Variants in ZC3H15 observed in about 807,000 individuals in gnomAD.
ZC3H15 encodes zinc finger CCCH domain-containing protein 15.
In ZC3H15, 15 loss-of-function variants were observed where a neutral mutation model predicts 51.2. That is an observed-to-expected ratio of 0.29 (90% CI 0.20 to 0.45). ZC3H15 has a LOEUF of 0.45. ZC3H15 is among the 20% of genes least tolerant of loss of function. The pLI, the probability that ZC3H15 is intolerant of heterozygous loss-of-function variation, is 1.00. For synonymous variants in ZC3H15, 144 were observed against 162.8 expected, an observed-to-expected ratio of 0.88 and a Z score of 0.88; for missense variants, 381 against 494.7, an observed-to-expected ratio of 0.77 and a Z score of 2.18.
chr2:186,508,805 A>C lies in ZC3H15; in HGVS notation c.*72A>C. On this transcript the variant is annotated 3_prime_UTR_variant, in exon 10 of 10. Transcript: ENST00000337859. ...AAATTGACTACATTAATTTCTTTCCACCTAGAATCAACAGGATGTTTATTT... is the reference window on the plus strand; with the variant it reads ...AAATTGACTACATTAATTTCTTTCCCCCTAGAATCAACAGGATGTTTATTT... 1 of 1,489,592 alleles carries C rather than the reference A, an allele frequency of 6.7e-7. No homozygotes were observed. The highest frequency in any genetic ancestry group is 9.2e-7 in the Non-Finnish European group (1 of 1,087,538). The allele number at this position is 1,489,592 out of a possible 1,614,324, so 92.3% of individuals were successfully genotyped here.
At chr2:186,494,834 G>T (rs1414752412) in intron 1 of ZC3H15, among the ~76,000 whole-genome samples, 1 of 152,110 alleles carries the variant, frequency 6.6e-6, no homozygotes, top group African/African-American at 2.4e-5. Flanking sequence ...GTGGCGGAGG[G>T]GAGGGATAGC....
At chr2:186,495,360 T>C in intron 2 of ZC3H15, 26 bp downstream of exon 2, 1 of 1,303,904 alleles carries the variant, frequency 7.7e-7, no homozygotes, top group South Asian at 1.8e-5. Flanking sequence ...GTCCATATCT[T>C]TTTATAAATG....
rs1336949594 is a variant in ZC3H15, at chr2:186,509,313, T to C, written c.*580T>C. Reference sequence around the variant, plus strand: ...ATTGTTTAAAAGTTTCCCTTTTCTTTTTTGCCAATAAAGTTGTAAATAAAG... The same window carrying C: ...ATTGTTTAAAAGTTTCCCTTTTCTTCTTTGCCAATAAAGTTGTAAATAAAG... On this transcript the variant is annotated 3_prime_UTR_variant, in exon 10 of 10. Coordinates refer to ENST00000337859, the MANE Select transcript of ZC3H15 (RefSeq NM_018471.3). The C allele has an allele frequency of 1.3e-5, 2 of 155,372 alleles. No homozygotes were observed. Among genetic ancestry groups the C allele is most frequent in the African/African-American group, 4.8e-5 (2 of 41,480 alleles). The allele number at this position is 155,372 out of a possible 1,614,324, so 9.6% of individuals were successfully genotyped here.
chr2:186,490,294 T>C (rs1028830103), intron 1 of ZC3H15, among the ~76,000 whole-genome samples: 3 of 152,124 alleles, frequency 2.0e-5, no homozygotes, highest in African/African-American at 7.2e-5. Context: ...TATTGAGCAA[T>C]AGAAAGTTTG....
Position 186,486,511 on chromosome 2 carries a change from C to A in ZC3H15, c.75+54C>A, listed in dbSNP as rs1464803632. Reference sequence around the variant, plus strand: ...CCGCGAGCCCTCCGGAAAGCCACTTCCCCGCTCCGGGCTTCCCTGGGAGCC... The same window carrying A: ...CCGCGAGCCCTCCGGAAAGCCACTTACCCGCTCCGGGCTTCCCTGGGAGCC... On this transcript the variant is annotated intron_variant, in intron 1 of 9. Coordinates refer to ENST00000337859, the MANE Select transcript of ZC3H15 (RefSeq NM_018471.3). 5.3e-6 allele frequency: 8 copies of A among 1,501,024 alleles called. No individual in the cohort carries two copies. In the Middle Eastern group the frequency reaches 8.7e-4, roughly 163 times the overall value. The allele number at this position is 1,501,024 out of a possible 1,614,324, so 93.0% of individuals were successfully genotyped here. A position where few individuals can be genotyped will look rare whatever the true frequency, so the allele number is the denominator to read the frequency against.
rs763533332 is a variant in ZC3H15 at position 186,501,259 on chromosome 2, G to C, written c.290-14G>C. 5 of 1,591,378 alleles carry C rather than the reference G, an allele frequency of 3.1e-6. No individual in the cohort carries two copies. Among genetic ancestry groups the C allele is most frequent in the Middle Eastern group, 1.7e-4 (1 of 5,966 alleles). Reference sequence around the variant, plus strand: ...GCAGATTATAATACAAATACCATATGCCATTTGACATAGGTGCAGATCCCA... The same window carrying C: ...GCAGATTATAATACAAATACCATATCCCATTTGACATAGGTGCAGATCCCA... On this transcript the variant is annotated splice_polypyrimidine_tract_variant and intron_variant, in intron 3 of 9. Transcript: ENST00000337859.
chr2:186,507,178 T>C (rs889897078), intron 9 of ZC3H15, among the ~76,000 whole-genome samples: 1 of 152,102 alleles, frequency 6.6e-6, no homozygotes, highest in Non-Finnish European at 1.5e-5. Context: ...ACATCAGTGT[T>C]ATGGGGTAAG....
At position 186,508,530 on chromosome 2, in the gene ZC3H15, T is replaced by A. The variant is rs766130806; in HGVS notation, c.1091-13T>A. On this transcript the variant is annotated splice_polypyrimidine_tract_variant and intron_variant, in intron 9 of 9. Coordinates refer to ENST00000337859, the MANE Select transcript of ZC3H15 (RefSeq NM_018471.3). Reference sequence around the variant, plus strand: ...TGCTTCTACGCCTTACTGATTCCAGTTTTTATATTTAGAAAACAAATTAAG... The same window carrying A: ...TGCTTCTACGCCTTACTGATTCCAGATTTTATATTTAGAAAACAAATTAAG... The A allele has an allele frequency of 6.2e-7, 1 of 1,612,692 alleles. No homozygotes were observed. The highest frequency in any genetic ancestry group is 1.7e-5 in the Admixed American group (1 of 59,846).
Position 186,486,307 on chromosome 2 carries a change from T to A in ZC3H15, c.-76T>A. On this transcript the variant is annotated 5_prime_UTR_variant, in exon 1 of 10. Transcript: ENST00000337859. ...GCGAGTGAGGCCCCGGTCTTCCTCC[T>A]CGTCCTGCCGCAGGGCCAGAACCCC... 1 of 1,378,738 alleles carries A rather than the reference T, an allele frequency of 7.3e-7. No homozygotes were observed. Among genetic ancestry groups the A allele is most frequent in the Non-Finnish European group, 9.5e-7 (1 of 1,048,444 alleles). 85.4% of individuals were successfully genotyped at this position (1,378,738 alleles called of 1,614,324 possible).
chr2:186,498,671 T>C (rs1685325748), intron 2 of ZC3H15, among the ~76,000 whole-genome samples: 1 of 152,228 alleles, frequency 6.6e-6, no homozygotes, highest in Non-Finnish European at 1.5e-5. Context: ...TCCTCTTTCT[T>C]GAACACATTT....
intron 1 of ZC3H15, among the ~76,000 whole-genome samples, chr2:186,493,985 C>T (rs1685238858): frequency 6.6e-6 from 1 of 150,692 alleles, no homozygotes; most frequent in Non-Finnish European, 1.5e-5. Flanking sequence ...AAATTCAGCC[C>T]ACTACAGACC....
intron 3 of ZC3H15, among the ~76,000 whole-genome samples, chr2:186,500,993 A>G (rs1039529888): frequency 1.4e-4 from 21 of 152,076 alleles, no homozygotes; most frequent in African/African-American, 4.3e-4. Context: ...CTCTTGCCCT[A>G]TTGACATCAA....
At chr2:186,503,718 C>T (rs959294361) in intron 5 of ZC3H15, among the ~76,000 whole-genome samples, 9 of 152,174 alleles carry the variant, frequency 5.9e-5, no homozygotes, top group African/African-American at 1.7e-4. Flanking sequence ...TATTCTGATT[C>T]GGGGGCGTAC....
rs2105596284 is a variant in ZC3H15, at chr2:186,508,958, G to A, written c.*225G>A. 1.6e-6 allele frequency: 1 copy of A among 627,904 alleles called. No individual in the cohort carries two copies. The highest frequency in any genetic ancestry group is 2.9e-6 in the Non-Finnish European group (1 of 342,056). 38.9% of individuals were successfully genotyped at this position (627,904 alleles called of 1,614,324 possible). A position where few individuals can be genotyped will look rare whatever the true frequency, so the allele number is the denominator to read the frequency against. On this transcript the variant is annotated 3_prime_UTR_variant, in exon 10 of 10. Transcript: ENST00000337859. ...TTCATGATAAATTGAAAATATAATG[G>A]TCATTGCAGAAAATGATTGATGTTG...
Position 186,486,409 on chromosome 2 carries a change from CG to C in ZC3H15, c.32del (p.Gly11AlafsTer21). 1 of 1,560,382 alleles carries C rather than the reference CG, an allele frequency of 6.4e-7. No homozygotes were observed. On this transcript the variant is annotated frameshift_variant, in exon 1 of 10. Coordinates refer to ENST00000337859, the MANE Select transcript of ZC3H15 (RefSeq NM_018471.3). LOFTEE classifies it high-confidence loss of function. MPPKKQAQAGGSKKAEQKKK... is the reference protein window; with the variant it reads MPPKKQAQAXGSKKAEQKKK... ...TGCCCCCCAAGAAACAGGCTCAGGC[CG>C]GGGGCAGCAAAAAGGCGGAGCAAAA...
chr2:186,495,150 A>T, intron 1 of ZC3H15, 83 bp from the exon 2 acceptor site: 1 of 786,626 alleles, frequency 1.3e-6, no homozygotes, highest in Non-Finnish European at 1.9e-6. Context: ...ATTATCAATA[A>T]AAATAATGAT....
chr2:186,508,395 A>T (rs1171014367), intron 9 of ZC3H15, 148 bp from the exon 10 acceptor site: 10 of 676,720 alleles, frequency 1.5e-5, no homozygotes, highest in Non-Finnish European at 2.5e-5. Flanking sequence ...GAAAAGAATG[A>T]TCAGTTCTTG....
chr2:186,486,579 T>A, intron 1 of ZC3H15, 122 bp downstream of exon 1: 1 of 1,020,262 alleles, frequency 9.8e-7, no homozygotes, highest in Non-Finnish European at 1.4e-6. Flanking sequence ...TAGGCCTGTG[T>A]GGCCCACTGC....
rs1685515409 is a variant in ZC3H15, at chr2:186,509,169, T to C, written c.*436T>C. 2 of 374,724 alleles carry C rather than the reference T, an allele frequency of 5.3e-6. No individual in the cohort carries two copies. Among genetic ancestry groups the C allele is most frequent in the Admixed American group, 7.0e-5 (2 of 28,624 alleles). The allele number at this position is 374,724 out of a possible 1,614,324, so 23.2% of individuals were successfully genotyped here. On this transcript the variant is annotated 3_prime_UTR_variant, in exon 10 of 10. Transcript: ENST00000337859. ...AAGACTGCCTAAAACATGAGCACTG[T>C]ACTTCATAAAGGAAACTGCGTATGC...
Sources: allele counts gnomAD v4.1 joint callset (sites outside exome capture counted in the v4.1 genomes callset), GRCh38; gene constraint gnomAD v4.1.1; transcripts MANE v1.5; gene names NCBI Gene and HGNC (gene_info 2026-07-23, HGNC 2026-07-21).